RSF1: variants seen among roughly 807,000 people sequenced by gnomAD.
RSF1 encodes HBV pX-associated protein 8.
In RSF1, 13 loss-of-function variants were observed where a neutral mutation model predicts 145.2. The ratio of observed to expected loss-of-function variants is 0.09; its 90% CI spans 0.06 to 0.14. The LOEUF is 0.14. Ranked by LOEUF, RSF1 falls within the 10% of genes least tolerant of loss-of-function variation. The pLI is 1.00. For synonymous variants in RSF1, 577 were observed against 592.6 expected (o/e 0.97, Z 0.38); for missense variants, 1,517 against 1,718.2 (o/e 0.88, Z 2.07).
At chr11:77,776,522 A>T (rs1948344196) in intron 1 of RSF1, among the ~76,000 whole-genome samples, 2 of 152,190 alleles carry the variant, frequency 1.3e-5, no homozygotes, top group Admixed American at 6.5e-5. Flanking sequence ...TTTTGTCATA[A>T]AGCAGAACGA....
chr11:77,686,671 T>C (rs1304954358), intron 9 of RSF1, among the ~76,000 whole-genome samples: 2 of 151,506 alleles, frequency 1.3e-5, no homozygotes, highest in African/African-American at 4.9e-5. Context: ...GTGATGCTAT[T>C]AAAACTGGTA....
upstream of RSF1, among the ~76,000 whole-genome samples, chr11:77,821,422 CTG>C (rs1408027085): frequency 3.3e-5 from 5 of 152,056 alleles, no homozygotes; most frequent in Admixed American, 6.5e-5. Flanking sequence ...TAAGATGTCT[CTG>C]TGGAAGTTTG....
chr11:77,837,210 A>G, the RSF1 span, among the ~76,000 whole-genome samples: 1 of 151,600 alleles, frequency 6.6e-6, no homozygotes, highest in Non-Finnish European at 1.5e-5. Flanking sequence ...ATCTCAGCTC[A>G]CTGCAACCTC....
intron 4 of RSF1, among the ~76,000 whole-genome samples, chr11:77,729,895 C>CTAAAAAAAAA (rs1961156791): frequency 2.0e-5 from 1 of 48,906 alleles, no homozygotes. Context: ...ATTCAGTAGG[C>CTAAAAAAAAA]AAAAAAAAAA....
the RSF1 span, among the ~76,000 whole-genome samples, chr11:77,834,954 G>T: frequency 1.3e-5 from 2 of 152,218 alleles, no homozygotes; most frequent in Non-Finnish European, 2.9e-5. Flanking sequence ...AGCTAAACCA[G>T]AGTAGTCCGA....
At chr11:77,795,653 T>A (rs972320514) in intron 1 of RSF1, among the ~76,000 whole-genome samples, 1 of 152,180 alleles carries the variant, frequency 6.6e-6, no homozygotes, top group South Asian at 2.1e-4. Context: ...CTGAAATAAC[T>A]GGAAAAGCAT....
At position 77,663,589 on chromosome 11, in the gene RSF1, T is replaced by G. The variant is rs918319854; in HGVS notation, c.*3328A>C. The G allele has an allele frequency of 6.6e-6, 1 of 152,204 alleles. No homozygotes were observed. Among genetic ancestry groups the G allele is most frequent in the Non-Finnish European group, 1.5e-5 (1 of 68,032 alleles). 9.4% of individuals were successfully genotyped at this position (152,204 alleles called of 1,614,324 possible). On this transcript the variant is annotated 3_prime_UTR_variant, in exon 16 of 16. Coordinates refer to ENST00000308488, the MANE Select transcript of RSF1 (RefSeq NM_016578.4). ...CCCTTTATCCTCTGAATCTGTAACC[T>G]TGACCAATTGAAAAAAGGATGTCAA...
At chr11:77,789,249 C>T (rs1395362208) in intron 1 of RSF1, among the ~76,000 whole-genome samples, 1 of 152,178 alleles carries the variant, frequency 6.6e-6, no homozygotes. Context: ...CTCACAGGTC[C>T]TGAAACTAAC....
rs747475225 is a variant in RSF1, at chr11:77,701,394, T to G, written c.1835A>C (p.Lys612Thr). 6.2e-7 allele frequency: 1 copy of G among 1,613,952 alleles called. No individual in the cohort carries two copies. The highest frequency in any genetic ancestry group is 1.3e-5 in the African/African-American group (1 of 74,910). Residue 612 changes from lysine (K) to threonine (T), a missense_variant, in exon 6 of 16, where the codon AAG (lysine) becomes ACG (threonine). Transcript: ENST00000308488. ...RLSPIPEEVPKSTLESEKPGS... is the reference protein window; with the variant it reads ...RLSPIPEEVPTSTLESEKPGS... The stretch of plus-strand genomic sequence containing the variant: ...AGGCTTTTCTGACTCTAGAGTACTC[T>G]TTGGAACTTCTTCTGGTATTGGACT...
At chr11:77,842,112 G>T in the RSF1 span, among the ~76,000 whole-genome samples, 1 of 152,120 alleles carries the variant, frequency 6.6e-6, no homozygotes, top group Non-Finnish European at 1.5e-5. Flanking sequence ...TTTATTTCTA[G>T]AGTGACAAAT....
At position 77,734,354 on chromosome 11, in the gene RSF1, A is replaced by G. The variant is rs561199793; in HGVS notation, c.578+6377T>C. The G allele has an allele frequency of 3.4e-4, 224 of 661,468 alleles. 1 individual carries two copies. The African/African-American group carries it at 3.8e-3, about 11-fold the overall frequency. 41.0% of individuals were successfully genotyped at this position (661,468 alleles called of 1,614,324 possible). ...TTCATCTGAAGGAATGGCACAAATC[A>G]AAGAACTTAGGTGGATGTTTTGGTA... is the stretch of plus-strand genomic sequence containing the variant. On this transcript the variant is annotated intron_variant, in intron 4 of 15. Coordinates refer to ENST00000308488, the MANE Select transcript of RSF1 (RefSeq NM_016578.4).
At chr11:77,739,329 GT>G (rs1427256993) in intron 4 of RSF1, 1 of 152,590 alleles carries the variant, frequency 6.6e-6, no homozygotes, top group Non-Finnish European at 1.5e-5. Context: ...AGAAAAGAAT[GT>G]TTTAAACAAC....
At chr11:77,675,439 G>A (rs1308050413) in intron 13 of RSF1, among the ~76,000 whole-genome samples, 183 bp from the exon 14 acceptor site, 3 of 152,148 alleles carry the variant, frequency 2.0e-5, no homozygotes, top group Non-Finnish European at 2.9e-5. Flanking sequence ...TATCCTCTTA[G>A]GAGGGGTTGT....
chr11:77,808,244 G>C (rs1235491733), intron 1 of RSF1, among the ~76,000 whole-genome samples: 3 of 151,968 alleles, frequency 2.0e-5, no homozygotes. Flanking sequence ...TGAGGCAGGA[G>C]AATCACTTGA....
chr11:77,677,037 A>G (rs146808203), intron 12 of RSF1, 38 bp from the exon 13 acceptor site: 16,068 of 1,495,468 alleles, frequency 0.011, 122 homozygotes, highest in Non-Finnish European at 0.013. Context: ...AGAGAAAAAT[A>G]TGTGTTTATT....
the RSF1 span, among the ~76,000 whole-genome samples, chr11:77,870,472 G>A: frequency 6.6e-6 from 1 of 151,082 alleles, no homozygotes; most frequent in Non-Finnish European, 1.5e-5. Flanking sequence ...GAGTAGCTGG[G>A]ACTACAGGCG....
chr11:77,731,914 G>A (rs1304632287), intron 4 of RSF1, among the ~76,000 whole-genome samples: 2 of 152,248 alleles, frequency 1.3e-5, no homozygotes, highest in African/African-American at 4.8e-5. Context: ...GTGTGGAAGG[G>A]AAATGTGGGA....
At chr11:77,834,824 A>C in the RSF1 span, among the ~76,000 whole-genome samples, 25,787 of 152,060 alleles carry the variant, frequency 0.17, 2,661 homozygotes, top group African/African-American at 0.27. Flanking sequence ...AAAGGACATA[A>C]CTTTTGACAT....
chr11:77,807,879 T>G (rs1383415755), intron 1 of RSF1, among the ~76,000 whole-genome samples: 1 of 152,124 alleles, frequency 6.6e-6, no homozygotes. Context: ...TTGCTTTAAT[T>G]AGGGTAAATG....
Sources: allele counts gnomAD v4.1 joint callset (sites outside exome capture counted in the v4.1 genomes callset), GRCh38; gene constraint gnomAD v4.1.1; transcripts MANE v1.5; gene names NCBI Gene and HGNC (gene_info 2026-07-23, HGNC 2026-07-21).